The following MAP3K20 variants were observed in gnomAD, a reference collection of about 807,000 sequenced individuals.
MAP3K20 encodes mitogen-activated protein kinase kinase kinase 20.
In MAP3K20, 40 loss-of-function variants were observed where a neutral mutation model predicts 85.7. The observed-to-expected ratio is 0.47, with a 90% CI of 0.36 to 0.61. The LOEUF (loss-of-function observed/expected upper bound fraction) is 0.61. Among genes scored for constraint, MAP3K20 ranks in the 20% least tolerant of loss-of-function variants. MAP3K20 has a pLI of 0.00. For missense variants in MAP3K20, 817 were observed against 961.7 expected (o/e 0.85, Z 1.99); for synonymous variants, 325 against 327.7 (o/e 0.99, Z 0.09).
intron 4 of MAP3K20, among the ~76,000 whole-genome samples, chr2:173,185,182 G>A (rs1050524954): frequency 1.3e-5 from 2 of 151,960 alleles, no homozygotes; most frequent in African/African-American, 2.4e-5. Context: ...CGGAGGTTGC[G>A]GTGAGCCAAG....
rs894683916 is a variant in MAP3K20 at position 173,226,598 on chromosome 2, C to T, written c.988-3091C>T. The T allele has an allele frequency of 1.5e-5, 15 of 985,664 alleles. No homozygotes were observed. In the East Asian group the frequency reaches 6.8e-4, roughly 45 times the overall value. The allele number at this position is 985,664 out of a possible 1,614,324, so 61.1% of individuals were successfully genotyped here. A position where few individuals can be genotyped will look rare whatever the true frequency, so the allele number is the denominator to read the frequency against. ...CCATCAGGAAATCTAGAAGACTAGCCGTGTTTTCTCAGACTCCACCTTTGT... is the reference window on the plus strand; with the variant it reads ...CCATCAGGAAATCTAGAAGACTAGCTGTGTTTTCTCAGACTCCACCTTTGT... On this transcript the variant is annotated intron_variant, in intron 11 of 19. Transcript: ENST00000375213.
intron 16 of MAP3K20, among the ~76,000 whole-genome samples, chr2:173,245,022 A>G (rs1298314702): frequency 6.6e-6 from 1 of 152,200 alleles, no homozygotes; most frequent in African/African-American, 2.4e-5. Flanking sequence ...TACAAGTAAA[A>G]TGAAAAATGT....
intron 16 of MAP3K20, among the ~76,000 whole-genome samples, chr2:173,253,077 A>G (rs1200960197): frequency 1.3e-5 from 2 of 152,152 alleles, no homozygotes; most frequent in Non-Finnish European, 2.9e-5. Flanking sequence ...CTGCACGCCC[A>G]GACTCCTGCC....
chr2:173,085,827 G>C (rs1687130618), intron 1 of MAP3K20, among the ~76,000 whole-genome samples: 1 of 101,644 alleles, frequency 9.8e-6, no homozygotes, highest in Non-Finnish European at 1.8e-5. Flanking sequence ...ATAGAGCCTT[G>C]CTCTGTTGTC....
intron 3 of MAP3K20, 28 bp downstream of exon 3, chr2:173,169,920 T>A: frequency 6.3e-7 from 1 of 1,590,562 alleles, no homozygotes; most frequent in South Asian, 1.1e-5. Context: ...GACTTCTTTC[T>A]TTTTCCAATT....
intron 10 of MAP3K20, chr2:173,212,464 G>T (rs1683935184): frequency 6.6e-6 from 1 of 152,054 alleles, no homozygotes; most frequent in Non-Finnish European, 1.5e-5. Context: ...TTACCGAAGG[G>T]ATTAGTAAGA....
intron 4 of MAP3K20, among the ~76,000 whole-genome samples, chr2:173,187,146 C>G (rs1574089631): frequency 6.6e-6 from 1 of 152,172 alleles, no homozygotes; most frequent in Non-Finnish European, 1.5e-5. Context: ...TCAGAATCTG[C>G]AGTTGGGTAC....
At chr2:173,115,564 G>C (rs1037980480) in intron 2 of MAP3K20, among the ~76,000 whole-genome samples, 3 of 152,096 alleles carry the variant, frequency 2.0e-5, no homozygotes, top group African/African-American at 7.2e-5. Flanking sequence ...GAAGGTCTAG[G>C]GCTGAAGGCT....
chr2:173,254,994 A>C (rs1011749390), intron 16 of MAP3K20, among the ~76,000 whole-genome samples: 3 of 152,214 alleles, frequency 2.0e-5, no homozygotes, highest in Non-Finnish European at 2.9e-5. Flanking sequence ...CCTACTTTTT[A>C]GTGAAATGAA....
At chr2:173,263,640 T>C in intron 18 of MAP3K20, 105 bp from the exon 19 acceptor site, 3 of 1,152,204 alleles carry the variant, frequency 2.6e-6, no homozygotes, top group East Asian at 5.2e-5. Flanking sequence ...TGAAGTGATA[T>C]AATAACCTGG....
At chr2:173,103,986 TAA>T (rs1687709681) in intron 2 of MAP3K20, among the ~76,000 whole-genome samples, 1 of 152,194 alleles carries the variant, frequency 6.6e-6, no homozygotes, top group Non-Finnish European at 1.5e-5. Flanking sequence ...CACTGGTAAA[TAA>T]AAGATACAAG....
chr2:173,090,310 A>G (rs1016214269), intron 1 of MAP3K20, among the ~76,000 whole-genome samples: 1 of 152,188 alleles, frequency 6.6e-6, no homozygotes, highest in African/African-American at 2.4e-5. Flanking sequence ...GGAAACAAGC[A>G]TAATATTTTT....
chr2:173,174,047 GA>G (rs1690083804), intron 3 of MAP3K20, among the ~76,000 whole-genome samples: 1 of 152,104 alleles, frequency 6.6e-6, no homozygotes, highest in Non-Finnish European at 1.5e-5. Context: ...TTTCCAATGG[GA>G]AAACCAAAAG....
intron 16 of MAP3K20, among the ~76,000 whole-genome samples, chr2:173,248,672 A>G (rs980328747): frequency 1.3e-5 from 2 of 152,148 alleles, no homozygotes; most frequent in African/African-American, 2.4e-5. Context: ...AATGGGAGAA[A>G]GCCCTGGTTT....
At chr2:173,160,822 T>C (rs1424838661) in intron 2 of MAP3K20, among the ~76,000 whole-genome samples, 1 of 152,222 alleles carries the variant, frequency 6.6e-6, no homozygotes, top group African/African-American at 2.4e-5. Context: ...TGGATATTTA[T>C]GATACTGGCC....
chr2:173,225,456 TG>T, intron 11 of MAP3K20: 2 of 409,350 alleles, frequency 4.9e-6, no homozygotes, highest in Non-Finnish European at 6.6e-6. Flanking sequence ...TGGCTGGGTG[TG>T]GTGTCACATG....
chr2:173,174,541 C>T (rs921104513), intron 3 of MAP3K20, among the ~76,000 whole-genome samples: 1 of 152,142 alleles, frequency 6.6e-6, no homozygotes, highest in African/African-American at 2.4e-5. Flanking sequence ...TGAACTCATC[C>T]TTTTTTATGG....
At chr2:173,227,144 A>G (rs890944164) in intron 11 of MAP3K20, 1 of 985,554 alleles carries the variant, frequency 1.0e-6, no homozygotes, top group African/African-American at 1.7e-5. Flanking sequence ...TTTTGACAGT[A>G]AATCCCTTTG....
At position 173,232,339 on chromosome 2, in the gene MAP3K20, G is replaced by A. The variant is rs372041805; in HGVS notation, c.1083G>A (p.Met361Ile). The A allele has an allele frequency of 3.7e-5, 60 of 1,614,112 alleles. No homozygotes were observed. Among genetic ancestry groups the A allele is most frequent in the Admixed American group, 8.3e-5 (5 of 60,010 alleles). The change falls in exon 14 of 20, where the codon ATG (methionine) becomes ATA (isoleucine). Residue 361 changes from methionine (M) to isoleucine (I), a missense_variant. Met to Ile is a conservative substitution (Grantham distance 10, BLOSUM62 1). This residue lies in a region of MAP3K20 where 158 missense variants were observed against 162.0 expected (regional missense o/e 0.98). Coordinates refer to ENST00000375213, the MANE Select transcript of MAP3K20 (RefSeq NM_016653.3). ...CTTCAGGTGACTCTTCAGCAGAGAT[G>A]AGTGTATATGCAAGCTTGTTTAAAG... ...LVRKGDSSAEMSVYASLFKEN... is the reference protein window; with the variant it reads ...LVRKGDSSAEISVYASLFKEN...
Sources: allele counts gnomAD v4.1 joint callset (sites outside exome capture counted in the v4.1 genomes callset), GRCh38; gene constraint gnomAD v4.1.1; regional missense constraint gnomAD v4.1.1; transcripts MANE v1.5; gene names NCBI Gene and HGNC (gene_info 2026-07-23, HGNC 2026-07-21).